Variants in SIL1 observed in about 807,000 individuals in gnomAD.
SIL1 encodes the protein SIL1 nucleotide exchange factor.
Under a neutral mutation model 49.1 loss-of-function variants are expected in SIL1, and 40 were observed. The observed-to-expected ratio is 0.81, with a 90% CI of 0.63 to 1.06. The LOEUF (loss-of-function observed/expected upper bound fraction) is 1.06. Among genes scored for constraint, SIL1 ranks in the 50% least tolerant of loss-of-function variants. SIL1 has a pLI of 0.00. For synonymous variants in SIL1, 253 were observed against 250.8 expected (o/e 1.01, Z -0.08); for missense variants, 500 against 572.6 (o/e 0.87, Z 1.29).
chr5:139,076,201 G>A (rs907853431), intron 3 of SIL1, among the ~76,000 whole-genome samples: 1 of 152,124 alleles, frequency 6.6e-6, no homozygotes, highest in African/African-American at 2.4e-5. Flanking sequence ...TCAGTTCCAA[G>A]GCAGCAACTC....
At chr5:138,959,638 G>A (rs1766975376) in intron 7 of SIL1, among the ~76,000 whole-genome samples, 1 of 152,208 alleles carries the variant, frequency 6.6e-6, no homozygotes, top group Non-Finnish European at 1.5e-5. Context: ...ACGGGATTCT[G>A]CAGTCATTCT....
At chr5:139,194,995 T>C (rs1358164532) in intron 1 of SIL1, among the ~76,000 whole-genome samples, 1 of 148,214 alleles carries the variant, frequency 6.7e-6, no homozygotes, top group African/African-American at 2.5e-5. Context: ...AATGGCACAA[T>C]GATCTCGGCT....
intron 7 of SIL1, among the ~76,000 whole-genome samples, chr5:138,996,649 A>G (rs1044705879): frequency 6.7e-6 from 1 of 150,206 alleles, no homozygotes; most frequent in Non-Finnish European, 1.5e-5. Flanking sequence ...CCTCCTGAGT[A>G]GCTGGGACTA....
At chr5:139,033,684 C>T (rs377152852) in intron 5 of SIL1, among the ~76,000 whole-genome samples, 1 of 151,978 alleles carries the variant, frequency 6.6e-6, no homozygotes, top group East Asian at 1.9e-4. Flanking sequence ...AGAGAACATA[C>T]TCTGCCTAAT....
intron 7 of SIL1, among the ~76,000 whole-genome samples, chr5:138,978,238 G>C (rs1767435779): frequency 7.2e-6 from 1 of 138,594 alleles, no homozygotes; most frequent in African/African-American, 2.8e-5. Context: ...CACTCCCTCA[G>C]CACTAGGCCC....
At chr5:138,960,051 A>G (rs546916842) in intron 7 of SIL1, among the ~76,000 whole-genome samples, 169 of 152,350 alleles carry the variant, frequency 1.1e-3, no homozygotes, top group Non-Finnish European at 1.5e-3. Context: ...ATGACACCAT[A>G]TATTTATTTC....
chr5:138,990,827 T>C (rs1379919928), intron 7 of SIL1, among the ~76,000 whole-genome samples: 2 of 152,258 alleles, frequency 1.3e-5, no homozygotes, highest in African/African-American at 4.8e-5. Context: ...GCGATTCTCC[T>C]GCCTTAGCCT....
At chr5:139,036,366 C>T (rs1768910630) in intron 5 of SIL1, among the ~76,000 whole-genome samples, 1 of 152,138 alleles carries the variant, frequency 6.6e-6, no homozygotes, top group Admixed American at 6.5e-5. Context: ...CCGTGTATGG[C>T]TAGCCAGTTA....
intron 7 of SIL1, among the ~76,000 whole-genome samples, chr5:139,005,236 T>A (rs891984769): frequency 7.3e-6 from 1 of 137,308 alleles, no homozygotes; most frequent in Non-Finnish European, 1.6e-5. Flanking sequence ...CATATAATTT[T>A]ATCTGCCAAG....
At chr5:139,049,002 T>C (rs1769230964) in intron 4 of SIL1, among the ~76,000 whole-genome samples, 1 of 152,186 alleles carries the variant, frequency 6.6e-6, no homozygotes, top group South Asian at 2.1e-4. Context: ...TTTCTAACAG[T>C]GAAAACTGTC....
rs907126415 is a variant in SIL1 at position 139,105,857 on chromosome 5, A to G, written c.244+15178T>C. 2.1e-4 allele frequency among the ~76,000 whole-genome samples: 32 copies of G among 152,262 alleles called. 1 individual carries two copies. Among genetic ancestry groups the G allele is most frequent in the African/African-American group, 7.7e-4 (32 of 41,480 alleles). ...TTCCCTAGGGAAGGTAAACATTTCCATCAGAAGGCAGAAGCCGGCACAAGG... is the reference window on the plus strand; with the variant it reads ...TTCCCTAGGGAAGGTAAACATTTCCGTCAGAAGGCAGAAGCCGGCACAAGG... On this transcript the variant is annotated intron_variant, in intron 3 of 9. Coordinates refer to ENST00000394817, the MANE Select transcript of SIL1 (RefSeq NM_022464.5).
chr5:139,143,336 C>CATATAT (rs1462318169), intron 1 of SIL1, among the ~76,000 whole-genome samples: 60 of 80,466 alleles, frequency 7.5e-4, no homozygotes, highest in African/African-American at 3.2e-3. Flanking sequence ...CACACACACA[C>CATATAT]ACACACACAT....
rs2151805195 is a variant in SIL1, at chr5:139,149,976, GAAGGAAGCCTGCTAT to G, written c.-10-22138_-10-22124del. Reference sequence around the variant, plus strand: ...GGTGAATGAGAGATAAGAGAAGGGAGAAGGAAGCCTGCTATAAGCCTGCAACTTGCATAACACAGT... The same window carrying G: ...GGTGAATGAGAGATAAGAGAAGGGAGAAGCCTGCAACTTGCATAACACAGT... On this transcript the variant is annotated intron_variant, in intron 1 of 9. Coordinates refer to ENST00000394817, the MANE Select transcript of SIL1 (RefSeq NM_022464.5). 1.3e-5 allele frequency among the ~76,000 whole-genome samples: 2 copies of G among 152,298 alleles called. 1 individual carries two copies. Among genetic ancestry groups the G allele is most frequent in the South Asian group, 4.1e-4 (2 of 4,822 alleles).
intron 1 of SIL1, among the ~76,000 whole-genome samples, chr5:139,192,074 CAAAA>C (rs10700186): frequency 7.4e-5 from 5 of 67,210 alleles, no homozygotes; most frequent in African/African-American, 3.2e-4. Flanking sequence ...GATGCTGTCT[CAAAA>C]AAAAAAAAAA....
Position 139,112,589 on chromosome 5 carries a change from TGAG to T in SIL1, c.244+8443_244+8445del, listed in dbSNP as rs1770883973. 2.7e-5 allele frequency among the ~76,000 whole-genome samples: 4 copies of T among 148,036 alleles called. No individual in the cohort carries two copies. In the South Asian group the frequency reaches 8.5e-4, roughly 32 times the overall value. ...CCCGGCAGCCGCCCCGTCTGGGAAG[TGAG>T]GAGTGTCTCCGCCCGGCAGCCAACC... On this transcript the variant is annotated intron_variant, in intron 3 of 9. Coordinates refer to ENST00000394817, the MANE Select transcript of SIL1 (RefSeq NM_022464.5).
rs143271071 is a variant in SIL1 at position 138,976,575 on chromosome 5, A to G, written c.768-24691T>C. ...GAGATCCACCCGCCTCAGCCTCCCA[A>G]AGTGCTAGGATTAACAGACTTGAGC... On this transcript the variant is annotated intron_variant, in intron 7 of 9. Transcript: ENST00000394817. Among the ~76,000 whole-genome samples the G allele has an allele frequency of 2.9e-3, 441 of 152,010 alleles. 2 individuals carry two copies. The highest frequency in any genetic ancestry group is 8.9e-3 in the African/African-American group (371 of 41,458).
intron 3 of SIL1, among the ~76,000 whole-genome samples, chr5:139,080,312 A>C (rs1243053170): frequency 6.6e-6 from 1 of 152,184 alleles, no homozygotes; most frequent in Non-Finnish European, 1.5e-5. Flanking sequence ...CTGTGGGCTA[A>C]TGTTGTCCTG....
chr5:139,184,103 G>A (rs1752038271), intron 1 of SIL1, among the ~76,000 whole-genome samples: 1 of 152,084 alleles, frequency 6.6e-6, no homozygotes, highest in Non-Finnish European at 1.5e-5. Flanking sequence ...TTCCAGAGAG[G>A]ACAGGCCTGT....
intron 1 of SIL1, among the ~76,000 whole-genome samples, chr5:139,133,011 T>G (rs989619447): frequency 3.3e-5 from 5 of 151,932 alleles, no homozygotes; most frequent in African/African-American, 1.2e-4. Flanking sequence ...CCCAAACCAC[T>G]TGCCACCCAT....
Sources: allele counts gnomAD v4.1 joint callset (sites outside exome capture counted in the v4.1 genomes callset), GRCh38; gene constraint gnomAD v4.1.1; transcripts MANE v1.5; gene names NCBI Gene and HGNC (gene_info 2026-07-23, HGNC 2026-07-21).